The following LDB3 variants were observed in gnomAD, a reference collection of about 807,000 sequenced individuals.
LDB3 encodes the protein LIM domain-binding protein 3.
In LDB3, 49 loss-of-function variants were observed where a neutral mutation model predicts 69.0. The observed-to-expected ratio is 0.71, with a 90% CI of 0.56 to 0.90. The LOEUF (loss-of-function observed/expected upper bound fraction) is 0.90. Ranked by LOEUF, LDB3 falls within the 40% of genes least tolerant of loss-of-function variation. The pLI, the probability that LDB3 is intolerant of heterozygous loss-of-function variation, is 0.00. For missense variants in LDB3, 928 were observed against 974.1 expected, an observed-to-expected ratio of 0.95 and a Z score of 0.63; for synonymous variants, 387 against 396.2, an observed-to-expected ratio of 0.98 and a Z score of 0.28.
intron 12 of LDB3, among the ~76,000 whole-genome samples, 180 bp from the exon 13 acceptor site, chr10:86,725,957 A>G (rs1257878325): frequency 1.3e-5 from 2 of 152,212 alleles, no homozygotes; most frequent in South Asian, 2.1e-4. Context: ...AACAACATCA[A>G]TGCAATGATT....
rs186742151 is a variant in LDB3, at chr10:86,682,086, C to T, written c.689+283C>T. Among the ~76,000 whole-genome samples, 193 of 152,286 alleles carry T rather than the reference C, an allele frequency of 1.3e-3. 1 individual carries two copies. Among genetic ancestry groups the T allele is most frequent in the African/African-American group, 4.5e-3 (186 of 41,564 alleles). On this transcript the variant is annotated intron_variant, in intron 5 of 13. Coordinates refer to ENST00000361373, the MANE Select transcript of LDB3 (RefSeq NM_007078.3). ...TCCGTTTGTCCAGCTACCATGTGGC[C>T]GAGCCAGTCCTGAATTCAGGAGATT...
At chr10:86,684,508 A>AGCTCC (rs1845353643) in intron 5 of LDB3, among the ~76,000 whole-genome samples, 1 of 152,242 alleles carries the variant, frequency 6.6e-6, no homozygotes, top group South Asian at 2.1e-4. Flanking sequence ...GAAGGAATGG[A>AGCTCC]GCTCCGTGCT....
intron 2 of LDB3, among the ~76,000 whole-genome samples, chr10:86,677,502 C>T (rs1408639338): frequency 6.6e-6 from 1 of 152,154 alleles, no homozygotes; most frequent in Admixed American, 6.5e-5. Context: ...CAGAATTTGG[C>T]ATCGTGCATG....
At position 86,718,863 on chromosome 10, in the gene LDB3, T is replaced by C. The variant is rs375765201; in HGVS notation, c.1978+16T>C. On this transcript the variant is annotated intron_variant, in intron 12 of 13. Coordinates refer to ENST00000361373, the MANE Select transcript of LDB3 (RefSeq NM_007078.3). ...TGCGAGAAAGGTAGGAACACTTCGATGGCATGTGGGGAGGCCCCACAGCCT... is the reference window on the plus strand; with the variant it reads ...TGCGAGAAAGGTAGGAACACTTCGACGGCATGTGGGGAGGCCCCACAGCCT... The C allele has an allele frequency of 1.9e-6, 3 of 1,613,748 alleles. No individual in the cohort carries two copies. The highest frequency in any genetic ancestry group is 1.3e-5 in the African/African-American group (1 of 74,930).
intron 6 of LDB3, 103 bp downstream of exon 6, chr10:86,692,168 CCTTGA>C: frequency 7.4e-7 from 1 of 1,347,538 alleles, no homozygotes; most frequent in Non-Finnish European, 1.0e-6. Context: ...TGCTACCTGC[CCTTGA>C]AGGTGGGCCA....
intron 12 of LDB3, among the ~76,000 whole-genome samples, chr10:86,722,921 A>G (rs1025596115): frequency 1.3e-5 from 2 of 152,124 alleles, no homozygotes; most frequent in Non-Finnish European, 2.9e-5. Flanking sequence ...AGAAGGAATC[A>G]CTATTTAATT....
chr10:86,668,554 A>G lies in LDB3; in HGVS notation c.-40A>G. 1 of 753,514 alleles carries G rather than the reference A, an allele frequency of 1.3e-6. No individual in the cohort carries two copies. The highest frequency in any genetic ancestry group is 2.4e-6 in the Non-Finnish European group (1 of 417,324). The allele number at this position is 753,514 out of a possible 1,614,324, so 46.7% of individuals were successfully genotyped here. A position where few individuals can be genotyped will look rare whatever the true frequency, so the allele number is the denominator to read the frequency against. On this transcript the variant is annotated 5_prime_UTR_variant, in exon 1 of 14. Transcript: ENST00000361373. ...AGAGCTCCACGCAGCCCGGCTGGGCAGCAAGGGACAGAACAGGCAAGGCTG... is the reference window on the plus strand; with the variant it reads ...AGAGCTCCACGCAGCCCGGCTGGGCGGCAAGGGACAGAACAGGCAAGGCTG...
chr10:86,672,145 G>A (rs1844518062), intron 2 of LDB3, among the ~76,000 whole-genome samples: 1 of 152,132 alleles, frequency 6.6e-6, no homozygotes, highest in African/African-American at 2.4e-5. Flanking sequence ...ATAAAATGAT[G>A]CCTTCCACAC....
In LDB3 at chr10:86,692,000, G is replaced by A. The variant is rs45458895; in HGVS notation, c.794G>A (p.Arg265His). 1.2e-4 allele frequency: 197 copies of A among 1,614,170 alleles called. No individual in the cohort carries two copies. The highest frequency in any genetic ancestry group is 4.0e-4 in the East Asian group (18 of 44,874). Residue 265 changes from arginine to histidine, a missense_variant, in exon 6 of 14, where the codon CGC becomes CAC. Coordinates refer to ENST00000361373, the MANE Select transcript of LDB3 (RefSeq NM_007078.3). The part of the protein sequence containing the change: ...KPEDEADEWA[R>H]RSSNLQSRSF... The stretch of plus-strand genomic sequence containing the variant: ...GAAGATGAGGCTGACGAGTGGGCAC[G>A]CCGTTCCTCCAACCTGCAGTCTCGC...
chr10:86,683,545 G>A (rs12251540), intron 5 of LDB3, among the ~76,000 whole-genome samples: 19,779 of 152,206 alleles, frequency 0.13, 1,442 homozygotes, highest in African/African-American at 0.19. Context: ...CTCTGCTGTC[G>A]GTGCAGGGGC....
At chr10:86,672,375 A>G (rs1332630603) in intron 2 of LDB3, among the ~76,000 whole-genome samples, 1 of 152,128 alleles carries the variant, frequency 6.6e-6, no homozygotes, top group Non-Finnish European at 1.5e-5. Context: ...CGGTTCCAGT[A>G]TTTATCAGAC....
At chr10:86,680,198 T>C (rs1436067847) in intron 4 of LDB3, 41 bp downstream of exon 4, 3 of 1,577,940 alleles carry the variant, frequency 1.9e-6, no homozygotes, top group Non-Finnish European at 2.6e-6. Flanking sequence ...TCAGCCCTGG[T>C]TCCTGGAGTG....
At position 86,679,420 on chromosome 10, in the gene LDB3, G is replaced by T; in HGVS notation, c.147G>T (p.Val49=). 1 of 1,614,182 alleles carries T rather than the reference G, an allele frequency of 6.2e-7. No individual in the cohort carries two copies. The part of the protein sequence containing the change: ...AQSQLSQGDL[V]VAIDGVNTDT... Reference sequence around the variant, plus strand: ...CCCAGCTCAGCCAGGGTGACCTCGTGGTGGCCATTGACGGCGTCAACACAG... The same window carrying T: ...CCCAGCTCAGCCAGGGTGACCTCGTTGTGGCCATTGACGGCGTCAACACAG... The change falls in exon 3 of 14, where the codon GTG becomes GTT. Residue 49 remains valine, a synonymous_variant. Transcript: ENST00000361373.
rs1271945561 is a variant in LDB3 at position 86,700,195 on chromosome 10, C to G, written c.897-6336C>G. 6.9e-6 allele frequency: 3 copies of G among 435,394 alleles called. No homozygotes were observed. In the South Asian group the frequency reaches 2.9e-4, roughly 42 times the overall value. The allele number at this position is 435,394 out of a possible 1,614,324, so 27.0% of individuals were successfully genotyped here. A position where few individuals can be genotyped will look rare whatever the true frequency, so the allele number is the denominator to read the frequency against. On this transcript the variant is annotated intron_variant, in intron 7 of 13. Transcript: ENST00000361373. ...CCCCAGGACACAGCGCAGCTCTGGT[C>G]CTGCTGCTCTCCTGCCCCACAGGTT...
At chr10:86,698,749 C>T (rs1324166494) in intron 7 of LDB3, among the ~76,000 whole-genome samples, 1 of 152,132 alleles carries the variant, frequency 6.6e-6, no homozygotes, top group Non-Finnish European at 1.5e-5. Flanking sequence ...GACAGTGAGG[C>T]TTTTCGAGGC....
At chr10:86,718,877 G>T in intron 12 of LDB3, 30 bp downstream of exon 12, 1 of 1,613,272 alleles carries the variant, frequency 6.2e-7, no homozygotes, top group Middle Eastern at 1.6e-4. Flanking sequence ...ATGTGGGGAG[G>T]CCCCACAGCC....
chr10:86,732,789 C>T (rs1464702968), intron 13 of LDB3, 98 bp from the exon 14 acceptor site: 1 of 911,840 alleles, frequency 1.1e-6, no homozygotes, highest in Admixed American at 2.0e-5. Flanking sequence ...CAGGACTGAG[C>T]CACCACGCCT....
At position 86,732,911 on chromosome 10, in the gene LDB3, C is replaced by G. The variant is rs771316707; in HGVS notation, c.2119C>G (p.Gln707Glu). The G allele has an allele frequency of 2.5e-6, 4 of 1,613,874 alleles. No homozygotes were observed. Among genetic ancestry groups the G allele is most frequent in the Non-Finnish European group, 3.4e-6 (4 of 1,179,872 alleles). ...CAVCHVNLEG[Q>E]PFYSKKDRPL... ...GGTCTGCCATGTGAATCTGGAGGGG[C>G]AGCCGTTCTACTCCAAGAAGGACAG... is the stretch of plus-strand genomic sequence containing the variant. Residue 707 changes from glutamine (Q) to glutamate (E), a missense_variant, in exon 14 of 14, where the codon CAG (glutamine) becomes GAG (glutamate). Gln to Glu is a conservative substitution (Grantham distance 29, BLOSUM62 2). Transcript: ENST00000361373.
intron 12 of LDB3, among the ~76,000 whole-genome samples, chr10:86,724,535 C>T (rs1027529148): frequency 6.6e-6 from 1 of 151,324 alleles, no homozygotes; most frequent in African/African-American, 2.4e-5. Context: ...ACCCAGGAGG[C>T]GGAGGTTGCA....
Sources: allele counts gnomAD v4.1 joint callset (sites outside exome capture counted in the v4.1 genomes callset), GRCh38; gene constraint gnomAD v4.1.1; transcripts MANE v1.5; gene names NCBI Gene and HGNC (gene_info 2026-07-23, HGNC 2026-07-21).